Variants in XRCC5 observed in about 807,000 individuals in gnomAD.
XRCC5 encodes DNA repair protein Ku80.
XRCC5 carries 12 observed loss-of-function variants against 95.7 expected under a neutral mutation model. The ratio of observed to expected loss-of-function variants is 0.13; its 90% CI spans 0.08 to 0.20. The LOEUF is 0.20. Among genes scored for constraint, XRCC5 ranks in the 10% least tolerant of loss-of-function variants. XRCC5 has a pLI of 1.00. For synonymous variants in XRCC5, 281 were observed against 290.3 expected, an observed-to-expected ratio of 0.97 and a Z score of 0.33; for missense variants, 595 against 873.9, an observed-to-expected ratio of 0.68 and a Z score of 4.02.
intron 13 of XRCC5, among the ~76,000 whole-genome samples, chr2:216,142,073 AG>A (rs2106015583): frequency 6.6e-6 from 1 of 152,156 alleles, no homozygotes; most frequent in East Asian, 1.9e-4. Flanking sequence ...AGAAAAAAAA[AG>A]GTTCCTAGGC....
intron 10 of XRCC5, among the ~76,000 whole-genome samples, chr2:216,135,827 G>A (rs1232439457): frequency 1.3e-5 from 2 of 151,794 alleles, no homozygotes; most frequent in Non-Finnish European, 2.9e-5. Context: ...GATGAGAATG[G>A]TGCGGTGGCA....
At chr2:216,132,655 TAAG>T (rs1174295659) in intron 10 of XRCC5, among the ~76,000 whole-genome samples, 2 of 152,174 alleles carry the variant, frequency 1.3e-5, no homozygotes, top group Non-Finnish European at 2.9e-5. Context: ...AGTCAAATGT[TAAG>T]GAGGGTTGGG....
intron 19 of XRCC5, among the ~76,000 whole-genome samples, chr2:216,201,698 G>T (rs545308457): frequency 5.3e-5 from 8 of 152,292 alleles, no homozygotes; most frequent in Admixed American, 3.9e-4. Context: ...GAAAAGATGA[G>T]AATTGACTCC....
At chr2:216,118,593 C>G (rs1242708138) in intron 4 of XRCC5, among the ~76,000 whole-genome samples, 2 of 152,148 alleles carry the variant, frequency 1.3e-5, no homozygotes, top group African/African-American at 2.4e-5. Flanking sequence ...CACTAAAATC[C>G]CAGACCTAAA....
chr2:216,147,723 T>C (rs1232075261), intron 13 of XRCC5, among the ~76,000 whole-genome samples: 1 of 152,190 alleles, frequency 6.6e-6, no homozygotes, highest in Non-Finnish European at 1.5e-5. Flanking sequence ...AAAAGGATTA[T>C]AACAAGAAAG....
chr2:216,120,100 C>T (rs907633919), intron 5 of XRCC5, among the ~76,000 whole-genome samples: 2 of 151,334 alleles, frequency 1.3e-5, no homozygotes, highest in Non-Finnish European at 2.9e-5. Context: ...AGCGACATCT[C>T]CTTTCTGTAC....
At chr2:216,116,581 T>C in intron 2 of XRCC5, 78 bp from the exon 3 acceptor site, 2 of 1,558,586 alleles carry the variant, frequency 1.3e-6, no homozygotes, top group East Asian at 2.3e-5. Flanking sequence ...CTGGTTGTCC[T>C]GCTCCCTGAA....
intron 14 of XRCC5, among the ~76,000 whole-genome samples, chr2:216,157,124 T>A (rs1327105995): frequency 6.6e-6 from 1 of 152,190 alleles, no homozygotes; most frequent in Admixed American, 6.5e-5. Flanking sequence ...TTCCTCACGT[T>A]TTTTAATGCT....
intron 15 of XRCC5, among the ~76,000 whole-genome samples, chr2:216,160,862 G>A (rs775855276): frequency 6.6e-6 from 1 of 151,834 alleles, no homozygotes; most frequent in African/African-American, 2.4e-5. Flanking sequence ...TAGGACTAAG[G>A]GTACATGCCA....
chr2:216,167,717 T>C (rs1422206175), intron 16 of XRCC5, among the ~76,000 whole-genome samples: 1 of 152,132 alleles, frequency 6.6e-6, no homozygotes, highest in African/African-American at 2.4e-5. Context: ...GGCGTTTTTC[T>C]ACACAGCGCT....
In XRCC5 at chr2:216,160,071, T is replaced by C. The variant is rs1688922720; in HGVS notation, c.1674T>C (p.His558=). The change falls in exon 15 of 21, where the codon CAT becomes CAC. Residue 558 remains histidine (H), a synonymous_variant. Transcript: ENST00000392132. ...AAATTTTTTTTTTCTTTTCTAGCCA[T>C]GAAGATGGACCTACAGCTAAAAAAT... ...VTAQEIFQDN[H]EDGPTAKKLK... The C allele has an allele frequency of 6.3e-7, 1 of 1,581,344 alleles. No individual in the cohort carries two copies. The highest frequency in any genetic ancestry group is 8.6e-7 in the Non-Finnish European group (1 of 1,163,562).
At chr2:216,118,617 TTCTCAA>T (rs1206942965) in intron 4 of XRCC5, among the ~76,000 whole-genome samples, 1 of 152,234 alleles carries the variant, frequency 6.6e-6, no homozygotes, top group East Asian at 1.9e-4. Flanking sequence ...GTGTAATCAT[TTCTCAA>T]TCTCTGTACA....
chr2:216,158,425 C>T (rs1242488668), intron 14 of XRCC5, among the ~76,000 whole-genome samples: 3 of 152,142 alleles, frequency 2.0e-5, no homozygotes, highest in Admixed American at 2.0e-4. Context: ...CTTTTGACTC[C>T]AACTCTTCAG....
intron 16 of XRCC5, among the ~76,000 whole-genome samples, chr2:216,187,855 T>C (rs1372625924): frequency 1.6e-4 from 20 of 128,664 alleles, no homozygotes; most frequent in African/African-American, 6.1e-4. Context: ...TCTCTCTCTC[T>C]CTCTCTCCCC....
chr2:216,111,965 A>G (rs1464187797), intron 1 of XRCC5, among the ~76,000 whole-genome samples: 1 of 152,200 alleles, frequency 6.6e-6, no homozygotes, highest in Non-Finnish European at 1.5e-5. Context: ...TGAATTCACT[A>G]CACTGTTGAT....
intron 14 of XRCC5, among the ~76,000 whole-genome samples, chr2:216,156,061 A>C (rs1219656751): frequency 1.3e-5 from 2 of 152,234 alleles, no homozygotes; most frequent in African/African-American, 2.4e-5. Context: ...CCAATGACAA[A>C]GTGCTCAGTC....
chr2:216,193,959 A>G (rs1574434132), intron 18 of XRCC5, among the ~76,000 whole-genome samples: 1 of 152,204 alleles, frequency 6.6e-6, no homozygotes, highest in Non-Finnish European at 1.5e-5. Context: ...ACTGTCCTAA[A>G]TGATAGACAT....
chr2:216,160,519 C>T (rs1384414637), intron 15 of XRCC5, among the ~76,000 whole-genome samples: 3 of 152,038 alleles, frequency 2.0e-5, no homozygotes, highest in Non-Finnish European at 2.9e-5. Context: ...CAAGTACACA[C>T]AATTTAAGTT....
intron 8 of XRCC5, among the ~76,000 whole-genome samples, chr2:216,128,697 A>C (rs1696932999): frequency 6.6e-6 from 1 of 152,186 alleles, no homozygotes; most frequent in Admixed American, 6.5e-5. Context: ...TCTCAGAGAT[A>C]CTAAGTAGTC....
Sources: gnomAD v4.1 joint callset for allele counts (sites outside exome capture counted in the v4.1 genomes callset) on GRCh38, gnomAD v4.1.1 for gene constraint, MANE v1.5 for transcripts, NCBI Gene and HGNC (gene_info 2026-07-23, HGNC 2026-07-21) for gene names.